SLC47A2: variants seen among roughly 807,000 people sequenced by gnomAD.
SLC47A2 encodes multidrug and toxin extrusion protein 2.
In SLC47A2, 52 loss-of-function variants were observed where a neutral mutation model predicts 67.7. The observed-to-expected ratio is 0.77, with a 90% CI of 0.61 to 0.97. The LOEUF (loss-of-function observed/expected upper bound fraction) is 0.97. Ranked by LOEUF, SLC47A2 falls within the 50% of genes least tolerant of loss-of-function variation. SLC47A2 has a pLI of 0.00. For synonymous variants in SLC47A2, 278 were observed against 292.9 expected (o/e 0.95, Z 0.52); for missense variants, 676 against 712.3 (o/e 0.95, Z 0.58).
chr17:19,679,000 G>C, intron 16 of SLC47A2, 94 bp from the exon 17 acceptor site: 1 of 1,053,556 alleles, frequency 9.5e-7, no homozygotes, highest in East Asian at 2.6e-5. Flanking sequence ...CCACCTGGCT[G>C]TGTTTGTTAC....
At chr17:19,692,967 C>T (rs1259054666) in intron 13 of SLC47A2, among the ~76,000 whole-genome samples, 1 of 152,012 alleles carries the variant, frequency 6.6e-6, no homozygotes, top group Admixed American at 6.6e-5. Context: ...CCCATCTCTA[C>T]TCAAAGTACA....
intron 10 of SLC47A2, chr17:19,704,681 C>G: frequency 1.3e-6 from 2 of 1,549,780 alleles, no homozygotes; most frequent in Non-Finnish European, 1.7e-6. Context: ...ATAAGCAAGA[C>G]GATGGCTGTG....
chr17:19,714,727 C>T lies in SLC47A2; in HGVS notation c.288G>A (p.Met96Ile), dbSNP rs1319618623. ...VGLSSACDTL[M>I]SQSFGSPNKK... ...GCTCCAGGAGGCCACCCACCTGAGA[C>T]ATCAAGGTGTCACATGCCGAAGACA... The change falls in exon 3 of 17, where the codon ATG becomes ATA. Residue 96 changes from methionine (M) to isoleucine (I), a missense_variant. By Grantham distance (10) the Met-to-Ile change is conservative. Coordinates refer to ENST00000433844, the MANE Select transcript of SLC47A2 (RefSeq NM_001099646.3). The T allele has an allele frequency of 4.3e-6, 7 of 1,614,104 alleles. No homozygotes were observed. The highest frequency in any genetic ancestry group is 5.1e-6 in the Non-Finnish European group (6 of 1,180,044).
At position 19,714,119 on chromosome 17, in the gene SLC47A2, T is replaced by TA; in HGVS notation, c.295-147dup. The TA allele has an allele frequency of 3.6e-6, 4 of 1,107,138 alleles. No homozygotes were observed. In the Middle Eastern group the frequency reaches 9.2e-4, roughly 255 times the overall value. The allele number at this position is 1,107,138 out of a possible 1,614,324, so 68.6% of individuals were successfully genotyped here. A position where few individuals can be genotyped will look rare whatever the true frequency, so the allele number is the denominator to read the frequency against. ...ACCACAGCCTGGCGCCCGCAGCCTGTAATGGCACAGCGGCCTTCCTGAGCC... is the reference window on the plus strand; with the variant it reads ...ACCACAGCCTGGCGCCCGCAGCCTGTAAATGGCACAGCGGCCTTCCTGAGCC... On this transcript the variant is annotated intron_variant, in intron 3 of 16. Coordinates refer to ENST00000433844, the MANE Select transcript of SLC47A2 (RefSeq NM_001099646.3).
intron 3 of SLC47A2, 134 bp from the exon 4 acceptor site, chr17:19,714,107 G>A: frequency 8.1e-7 from 1 of 1,234,462 alleles, no homozygotes; most frequent in South Asian, 1.6e-5. Context: ...ACAGCCTGGC[G>A]CCCGCAGCCT....
rs373867315 is a variant in SLC47A2 at position 19,678,878 on chromosome 17, G to A, written c.1509C>T (p.Thr503=). ...ACTCAGACCTTGAATACGTTGTCAA[G>A]GTAATGCCAGGGGAACTGCCTGTAG... ...SVATGSSPGI[T]LTTYSRSECH... The change falls in exon 17 of 17, where the codon ACC becomes ACT. Residue 503 remains threonine, a synonymous_variant. Transcript: ENST00000433844. 11 of 1,588,408 alleles carry A rather than the reference G, an allele frequency of 6.9e-6. No individual in the cohort carries two copies. The highest frequency in any genetic ancestry group is 9.4e-6 in the Non-Finnish European group (11 of 1,166,312).
intron 4 of SLC47A2, 104 bp from the exon 5 acceptor site, chr17:19,712,849 G>A: frequency 1.8e-6 from 2 of 1,119,920 alleles, no homozygotes; most frequent in South Asian, 2.7e-5. Context: ...CGCTGTCCCA[G>A]GGTCTCAGCC....
intron 13 of SLC47A2, among the ~76,000 whole-genome samples, chr17:19,696,538 T>C (rs985658452): frequency 1.3e-5 from 2 of 151,252 alleles, no homozygotes; most frequent in Non-Finnish European, 2.9e-5. Context: ...AGGGAAAAGA[T>C]GACCATCTAC....
At position 19,716,416 on chromosome 17, in the gene SLC47A2, C is replaced by A. The variant is rs766270773; in HGVS notation, c.123+17G>T. 1 of 1,603,342 alleles carries A rather than the reference C, an allele frequency of 6.2e-7. No homozygotes were observed. On this transcript the variant is annotated intron_variant, in intron 1 of 16. Transcript: ENST00000433844. ...CTTCCTCCACTCCCTACCTGCCCCCCAGCTCCTCCTCCTTACCAGGGGTCC... is the reference window on the plus strand; with the variant it reads ...CTTCCTCCACTCCCTACCTGCCCCCAAGCTCCTCCTCCTTACCAGGGGTCC...
intron 6 of SLC47A2, 100 bp downstream of exon 6, chr17:19,708,616 C>A: frequency 6.3e-7 from 1 of 1,594,758 alleles, no homozygotes; most frequent in Admixed American, 1.7e-5. Context: ...AGAGCTGGTT[C>A]ACAGATGGTG....
intron 13 of SLC47A2, among the ~76,000 whole-genome samples, chr17:19,684,884 T>C (rs1190282452): frequency 2.0e-5 from 3 of 151,958 alleles, no homozygotes; most frequent in Non-Finnish European, 4.4e-5. Flanking sequence ...CTCCCTCTCT[T>C]GCGGAGCCTG....
rs896840814 is a variant in SLC47A2 at position 19,714,809 on chromosome 17, G to A, written c.226-20C>T. 4 of 1,613,938 alleles carry A rather than the reference G, an allele frequency of 2.5e-6. No individual in the cohort carries two copies. The highest frequency in any genetic ancestry group is 3.4e-6 in the Non-Finnish European group (4 of 1,180,036). On this transcript the variant is annotated intron_variant, in intron 2 of 16. Transcript: ENST00000433844. ...GACAAACTGGCGCCACACACAGGAGGAAACAAGAGCTTGTCAGGTGAGGCC... is the reference window on the plus strand; with the variant it reads ...GACAAACTGGCGCCACACACAGGAGAAAACAAGAGCTTGTCAGGTGAGGCC...
In SLC47A2 at chr17:19,716,454, G is replaced by A. The variant is rs758455052; in HGVS notation, c.102C>T (p.Leu34=). ...TTACCAGGGGTCCAGAAAGGGCAAA[G>A]AGAGTCCACATCTCAGTCCCAAAGC... The part of the protein sequence containing the change: ...PRGFGTEMWT[L]FALSGPLFLF... Residue 34 remains leucine, a synonymous_variant, in exon 1 of 17, where the codon CTC becomes CTT. Coordinates refer to ENST00000433844, the MANE Select transcript of SLC47A2 (RefSeq NM_001099646.3). The A allele has an allele frequency of 1.6e-5, 25 of 1,611,714 alleles. No individual in the cohort carries two copies. Among genetic ancestry groups the A allele is most frequent in the Non-Finnish European group, 2.0e-5 (23 of 1,179,074 alleles).
chr17:19,704,821 G>A (rs1038101885), intron 10 of SLC47A2: 8 of 418,596 alleles, frequency 1.9e-5, no homozygotes, highest in Non-Finnish European at 3.1e-5. Flanking sequence ...GATGGAATGT[G>A]CTTTTTTTTT....
chr17:19,713,609 C>G (rs917239612), intron 4 of SLC47A2, among the ~76,000 whole-genome samples: 5 of 152,202 alleles, frequency 3.3e-5, no homozygotes, highest in African/African-American at 1.2e-4. Flanking sequence ...TAAAACTGGG[C>G]GTTTGTCCGC....
intron 16 of SLC47A2, 29 bp from the exon 17 acceptor site, chr17:19,678,935 C>G: frequency 6.5e-7 from 1 of 1,548,016 alleles, no homozygotes; most frequent in Non-Finnish European, 8.8e-7. Context: ...GCAAACTCAG[C>G]AGGTCAGGGG....
chr17:19,681,002 A>G (rs1313038912), intron 15 of SLC47A2, among the ~76,000 whole-genome samples: 1 of 152,070 alleles, frequency 6.6e-6, no homozygotes, highest in African/African-American at 2.4e-5. Flanking sequence ...TCACGAGGTC[A>G]GGAGATCGAG....
chr17:19,705,790 A>T (rs1403917774), intron 9 of SLC47A2, among the ~76,000 whole-genome samples: 1 of 151,916 alleles, frequency 6.6e-6, no homozygotes, highest in Non-Finnish European at 1.5e-5. Context: ...GTAGAAACAG[A>T]GTTTCGCCAT....
At chr17:19,683,508 G>A (rs1254510276) in intron 13 of SLC47A2, among the ~76,000 whole-genome samples, 1 of 152,206 alleles carries the variant, frequency 6.6e-6, no homozygotes, top group Non-Finnish European at 1.5e-5. Flanking sequence ...GATTTAAGAG[G>A]GAGTTTGATG....
Sources: gnomAD v4.1 joint callset for allele counts (sites outside exome capture counted in the v4.1 genomes callset) on GRCh38, gnomAD v4.1.1 for gene constraint, MANE v1.5 for transcripts, NCBI Gene and HGNC (gene_info 2026-07-23, HGNC 2026-07-21) for gene names.